LZTS2: variants seen among roughly 807,000 people sequenced by gnomAD.
The protein encoded by LZTS2 is leucine zipper tumor suppressor 2.
Under a neutral mutation model 60.6 loss-of-function variants are expected in LZTS2, and 32 were observed. The ratio of observed to expected loss-of-function variants is 0.53; its 90% CI spans 0.40 to 0.71. The LOEUF is 0.71. LZTS2 is among the 30% of genes least tolerant of loss of function. LZTS2 has a pLI of 0.00. For missense variants in LZTS2, 792 were observed against 901.9 expected, an observed-to-expected ratio of 0.88 and a Z score of 1.56; for synonymous variants, 360 against 393.1, an observed-to-expected ratio of 0.92 and a Z score of 1.00.
exon 2 of LZTS2, chr10:101,004,089 G>A (rs1852114061): frequency 3.1e-6 from 5 of 1,613,010 alleles, no homozygotes; most frequent in Admixed American, 1.7e-5. Flanking sequence ...TGTCCTGGAA[G>A]GAAAGCTCCG....
chr10:101,007,143 A>C, exon 4 of LZTS2: 1 of 1,601,688 alleles, frequency 6.2e-7, no homozygotes, highest in Non-Finnish European at 8.5e-7. Flanking sequence ...ATCTGCCTGG[A>C]GGAGATCACT....
chr10:101,002,651 G>A (rs2133969949), exon 1 of LZTS2: 1 of 1,607,520 alleles, frequency 6.2e-7, no homozygotes. Flanking sequence ...GGCCGGCCCT[G>A]TCCCGGGGGG....
exon 2 of LZTS2, chr10:101,004,129 G>C (rs756384313): frequency 5.0e-6 from 8 of 1,611,750 alleles, no homozygotes; most frequent in Admixed American, 1.7e-5. Flanking sequence ...CAGCAGCTGC[G>C]GGACAGTCTG....
At chr10:101,007,024 C>T in exon 4 of LZTS2, 1 of 1,582,462 alleles carries the variant, frequency 6.3e-7, no homozygotes, top group Non-Finnish European at 8.6e-7. Context: ...ACAACTACAT[C>T]CAGATGTACC....
chr10:101,002,334 G>T (rs568793726), exon 1 of LZTS2: 29 of 487,836 alleles, frequency 5.9e-5, no homozygotes, highest in Non-Finnish European at 9.8e-5. Flanking sequence ...GGGCAGTGTG[G>T]TTTGGGGCCC....
At chr10:101,001,397 A>C (rs948771644) in exon 1 of LZTS2, 13 of 152,284 alleles carry the variant, frequency 8.5e-5, no homozygotes, top group Non-Finnish European at 1.8e-4. Flanking sequence ...GTTTTCACAC[A>C]CATTTTCATA....
chr10:101,007,453 C>A, exon 4 of LZTS2: 2 of 1,467,454 alleles, frequency 1.4e-6, no homozygotes, highest in Non-Finnish European at 1.8e-6. Flanking sequence ...CAACCCTGTT[C>A]ACAGGCGCTT....
chr10:101,007,469 C>T (rs1325632416), exon 4 of LZTS2: 6 of 1,442,732 alleles, frequency 4.2e-6, no homozygotes, highest in Non-Finnish European at 5.5e-6. Flanking sequence ...CGCTTCCAGC[C>T]CACTCCAGCC....
intron 3 of LZTS2, 21 bp downstream of exon 4, chr10:101,005,736 C>A: frequency 6.5e-7 from 1 of 1,531,624 alleles, no homozygotes; most frequent in Non-Finnish European, 8.8e-7. Flanking sequence ...CCAGGAGGGG[C>A]AGGGAGCAGG....
chr10:101,003,702 C>T (rs1445381346), exon 2 of LZTS2: 3 of 1,613,282 alleles, frequency 1.9e-6, no homozygotes, highest in South Asian at 1.1e-5. Context: ...TGCTGACAAA[C>T]CCCTGGCATT....
chr10:101,007,038 G>T (rs200472718), exon 4 of LZTS2: 1 of 1,592,638 alleles, frequency 6.3e-7, no homozygotes, highest in Non-Finnish European at 8.5e-7. Flanking sequence ...ATGTACCGGC[G>T]CAACCGGCAG....
exon 1 of LZTS2, chr10:101,002,378 G>T: frequency 3.5e-6 from 2 of 577,120 alleles, no homozygotes; most frequent in Middle Eastern, 4.6e-4. Context: ...GCACTTGAAG[G>T]GGGAGTCTTG....
In LZTS2 at chr10:101,005,722, C is replaced by A; in HGVS notation, c.1326+7C>A. The A allele has an allele frequency of 6.4e-7, 1 of 1,556,014 alleles. No homozygotes were observed. The highest frequency in any genetic ancestry group is 8.7e-7 in the Non-Finnish European group (1 of 1,146,270). On this transcript the variant is annotated splice_region_variant and intron_variant, in intron 3 of 3. Coordinates refer to ENST00000370220, the Ensembl canonical transcript of LZTS2. ...TGAGGAGACCAAGTGGGAGGTGGGC[C>A]AGACCAGGAGGGGCAGGGAGCAGGG...
exon 1 of LZTS2, chr10:100,999,686 G>A (rs1019150765): frequency 2.0e-5 from 3 of 152,086 alleles, no homozygotes; most frequent in Admixed American, 2.0e-4. Flanking sequence ...CGCGTGACGC[G>A]GGTGCTTGCG....
At chr10:101,004,598 A>G (rs1021939222) in intron 2 of LZTS2, among the ~76,000 whole-genome samples, 2 of 152,130 alleles carry the variant, frequency 1.3e-5, no homozygotes, top group African/African-American at 4.8e-5. Context: ...GCAAGACTCT[A>G]TCTCAAAACA....
In LZTS2 at chr10:101,002,739, T is replaced by G; in HGVS notation, c.201T>G (p.Tyr67Ter). The stretch of plus-strand genomic sequence containing the variant: ...AGGATGGCCTGCTACGGGGTGGCTA[T>G]GAGGCACAGGAGCCGCTGTGCCCAG... Residue 67 changes from tyrosine (Y) to a stop codon, truncating the protein, a stop_gained, in exon 1 of 4, where the codon TAT becomes TAG. Transcript: ENST00000370220. LOFTEE classifies it high-confidence loss of function. 6.2e-7 allele frequency: 1 copy of G among 1,613,090 alleles called. No individual in the cohort carries two copies. Among genetic ancestry groups the G allele is most frequent in the Non-Finnish European group, 8.5e-7 (1 of 1,179,682 alleles).
exon 1 of LZTS2, chr10:101,002,277 A>G: frequency 1.1e-5 from 4 of 356,198 alleles, no homozygotes; most frequent in Non-Finnish European, 2.0e-5. Context: ...GCCTCTCAGC[A>G]TCTCTGCTGA....
At chr10:101,006,602 C>G (rs779310984) in exon 4 of LZTS2, 1 of 1,606,016 alleles carries the variant, frequency 6.2e-7, no homozygotes, top group Non-Finnish European at 8.5e-7. Flanking sequence ...GCGGGAGGCC[C>G]GTGCTACGCT....
upstream of LZTS2, chr10:100,997,313 G>A (rs757253698): frequency 5.3e-5 from 8 of 152,196 alleles, no homozygotes; most frequent in Non-Finnish European, 7.3e-5. Flanking sequence ...TCCGCTTCTA[G>A]GGAAGCTAGG....
Sources: allele counts gnomAD v4.1 joint callset (sites outside exome capture counted in the v4.1 genomes callset), GRCh38; gene constraint gnomAD v4.1.1; transcripts MANE v1.5; gene names NCBI Gene and HGNC (gene_info 2026-07-23, HGNC 2026-07-21).